ST18: variants seen among roughly 807,000 people sequenced by gnomAD.
The protein encoded by ST18 is ST18 C2H2C-type zinc finger transcription factor, also known as suppression of tumorigenicity 18 protein.
A neutral mutation model predicts 110.0 loss-of-function variants in ST18; 50 were observed. That is an observed-to-expected ratio of 0.45 (90% CI 0.36 to 0.58). The LOEUF is 0.58. Among genes scored for constraint, ST18 ranks in the 20% least tolerant of loss-of-function variants. The pLI is 0.00. For synonymous variants in ST18, 461 were observed against 452.4 expected, an observed-to-expected ratio of 1.02 and a Z score of -0.24; for missense variants, 1,306 against 1,280.1, an observed-to-expected ratio of 1.02 and a Z score of -0.31.
chr8:52,113,959 T>TTTTTTG (rs2041467561), intron 25 of ST18, among the ~76,000 whole-genome samples: 1 of 44,700 alleles, frequency 2.2e-5, no homozygotes, highest in Non-Finnish European at 3.7e-5. Context: ...ACCGTGTTTT[T>TTTTTTG]TTTTTTTTTT....
intron 23 of ST18, among the ~76,000 whole-genome samples, chr8:52,119,036 T>TCC (rs2043620066): frequency 6.6e-6 from 1 of 152,008 alleles, no homozygotes; most frequent in African/African-American, 2.4e-5. Context: ...CACATTGGCA[T>TCC]AGTCTTCCAC....
At chr8:52,231,311 A>T (rs890144328) in intron 2 of ST18, among the ~76,000 whole-genome samples, 5 of 152,248 alleles carry the variant, frequency 3.3e-5, no homozygotes, top group Admixed American at 3.3e-4. Context: ...TTAATTCCAG[A>T]GGTAACTGAG....
intron 22 of ST18, among the ~76,000 whole-genome samples, chr8:52,130,064 G>GAA (rs2048627046): frequency 3.1e-5 from 4 of 130,428 alleles, no homozygotes; most frequent in Non-Finnish European, 6.4e-5. Flanking sequence ...AAGAAAGAAA[G>GAA]AGAGAGAGAG....
At chr8:52,365,198 G>T (rs576928236) in intron 2 of ST18, among the ~76,000 whole-genome samples, 20 of 128,264 alleles carry the variant, frequency 1.6e-4, no homozygotes, top group African/African-American at 5.9e-4. Context: ...CAAACACAAA[G>T]TAATAAAACC....
At chr8:52,265,874 G>A (rs556363746) in intron 2 of ST18, among the ~76,000 whole-genome samples, 41 of 152,266 alleles carry the variant, frequency 2.7e-4, no homozygotes, top group South Asian at 1.0e-3. Context: ...ATTCCACAGG[G>A]AGCCTACAGT....
In ST18 at chr8:52,113,348, G is replaced by A. The variant is rs1404550636; in HGVS notation, c.3004-10C>T. 4 of 1,613,214 alleles carry A rather than the reference G, an allele frequency of 2.5e-6. No homozygotes were observed. The highest frequency in any genetic ancestry group is 8.5e-7 in the Non-Finnish European group (1 of 1,179,560). On this transcript the variant is annotated splice_polypyrimidine_tract_variant and intron_variant, in intron 25 of 25. Coordinates refer to ENST00000689386, the MANE Select transcript of ST18 (RefSeq NM_001352837.2). ...GCTCACTGATAGGTCCCTAAATGGA[G>A]ACAAAACACATTGACCCAATCACAG...
intron 2 of ST18, chr8:52,405,664 G>A (rs1844222131): frequency 6.6e-6 from 1 of 152,152 alleles, no homozygotes; most frequent in Non-Finnish European, 1.5e-5. Flanking sequence ...TGTTGGAAGG[G>A]CTAGTAGCTA....
chr8:52,185,137 T>C (rs1370488263), intron 8 of ST18, among the ~76,000 whole-genome samples: 1 of 152,198 alleles, frequency 6.6e-6, no homozygotes, highest in African/African-American at 2.4e-5. Context: ...ATTTTACTTC[T>C]ATAAACCAGC....
At chr8:52,252,560 T>A (rs1449069533) in intron 2 of ST18, among the ~76,000 whole-genome samples, 1 of 151,784 alleles carries the variant, frequency 6.6e-6, no homozygotes, top group Non-Finnish European at 1.5e-5. Context: ...AAAGTTTCAA[T>A]GTACTTTGAA....
intron 2 of ST18, 63 bp downstream of exon 2, chr8:52,409,264 CA>C (rs1845599373): frequency 6.6e-6 from 1 of 152,236 alleles, no homozygotes; most frequent in Non-Finnish European, 1.5e-5. Flanking sequence ...TGTTTTCTCT[CA>C]AAGTTCAACC....
At chr8:52,390,263 G>T (rs1838844552) in intron 2 of ST18, among the ~76,000 whole-genome samples, 1 of 152,112 alleles carries the variant, frequency 6.6e-6, no homozygotes, top group Non-Finnish European at 1.5e-5. Flanking sequence ...CTGTCTGCTA[G>T]GCAAACATTG....
At chr8:52,238,214 A>G (rs1474501664) in intron 2 of ST18, among the ~76,000 whole-genome samples, 1 of 152,214 alleles carries the variant, frequency 6.6e-6, no homozygotes, top group Non-Finnish European at 1.5e-5. Context: ...TTCTAGGTAC[A>G]TACCCAAGAA....
intron 2 of ST18, among the ~76,000 whole-genome samples, chr8:52,361,340 C>T (rs1437228997): frequency 2.0e-5 from 3 of 152,184 alleles, no homozygotes; most frequent in Admixed American, 6.5e-5. Context: ...CCACAGTCTC[C>T]GATGAATCAC....
chr8:52,186,164 T>G (rs2072108642), intron 8 of ST18, among the ~76,000 whole-genome samples: 1 of 152,142 alleles, frequency 6.6e-6, no homozygotes, highest in Admixed American at 6.5e-5. Context: ...GAGAAGGTAT[T>G]TGCAGTACCT....
chr8:52,309,953 G>A (rs544713349), intron 2 of ST18, among the ~76,000 whole-genome samples: 22 of 152,248 alleles, frequency 1.4e-4, no homozygotes, highest in South Asian at 4.1e-4. Flanking sequence ...TCTATGTTAC[G>A]TGCATCATGT....
chr8:52,148,384 T>C (rs944045636), intron 16 of ST18, among the ~76,000 whole-genome samples: 1 of 152,122 alleles, frequency 6.6e-6, no homozygotes, highest in African/African-American at 2.4e-5. Context: ...GCTTGAGTGG[T>C]GGAGACACAC....
At chr8:52,374,575 G>T (rs559113036) in intron 2 of ST18, among the ~76,000 whole-genome samples, 77 of 151,486 alleles carry the variant, frequency 5.1e-4, no homozygotes, top group Middle Eastern at 3.4e-3. Flanking sequence ...GGATGTACAG[G>T]TTTGTTACAT....
At chr8:52,409,784 A>C (rs534883914), upstream of ST18, 1 of 152,376 alleles carries the variant, frequency 6.6e-6, no homozygotes, top group East Asian at 1.9e-4. Context: ...CAACTTGCTA[A>C]CTTTGCTCTG....
Position 52,178,639 on chromosome 8 carries a change from A to C in ST18, c.277+1483T>G, listed in dbSNP as rs1444001978. 2.3e-5 allele frequency among the ~76,000 whole-genome samples: 3 copies of C among 133,078 alleles called. 1 individual carries two copies. The highest frequency in any genetic ancestry group is 6.6e-5 in the African/African-American group (2 of 30,410). 87.3% of individuals were successfully genotyped at this position (133,078 alleles called of 152,430 possible). ...CAAAAAAAAAAAAAAAAAAAAAAAA[A>C]AAAACCACCAAAAACCAAAATAAAA... On this transcript the variant is annotated intron_variant, in intron 9 of 25. Transcript: ENST00000689386.
Sources: gnomAD v4.1 joint callset for allele counts (sites outside exome capture counted in the v4.1 genomes callset) on GRCh38, gnomAD v4.1.1 for gene constraint, MANE v1.5 for transcripts, NCBI Gene and HGNC (gene_info 2026-07-23, HGNC 2026-07-21) for gene names.